VEZF1: variants seen among roughly 807,000 people sequenced by gnomAD.
VEZF1 encodes the protein putative transcription factor DB1.
VEZF1 carries 5 observed loss-of-function variants against 44.1 expected under a neutral mutation model. The ratio of observed to expected loss-of-function variants is 0.11; its 90% CI spans 0.06 to 0.24. The LOEUF is 0.24. VEZF1 is among the 10% of genes least tolerant of loss of function. The pLI is 1.00. For missense variants in VEZF1, 358 were observed against 641.8 expected, an observed-to-expected ratio of 0.56 and a Z score of 4.78; for synonymous variants, 236 against 233.1, an observed-to-expected ratio of 1.01 and a Z score of -0.11.
chr17:57,978,189 C>T (rs2075210824), intron 5 of VEZF1, among the ~76,000 whole-genome samples: 1 of 149,154 alleles, frequency 6.7e-6, no homozygotes. Flanking sequence ...AGCAACAGAG[C>T]GAGAGACTCT....
chr17:57,974,650 T>C lies in VEZF1; in HGVS notation c.1389A>G (p.Pro463=), dbSNP rs747070811. 1 of 1,614,032 alleles carries C rather than the reference T, an allele frequency of 6.2e-7. No homozygotes were observed. The highest frequency in any genetic ancestry group is 8.5e-7 in the Non-Finnish European group (1 of 1,179,986). ...CAGTGACGGGGGTGGGGAGGTTGAC[T>C]GGGGTAGTGAGTGTTAAAGGAGAGG... ...SMTSPLTLTT[P]VNLPTPVTAP... is the part of the protein sequence containing the mutation. The change falls in exon 6 of 6, where the codon CCA becomes CCG. Residue 463 remains proline (P), a synonymous_variant. Transcript: ENST00000581208.
intron 4 of VEZF1, among the ~76,000 whole-genome samples, chr17:57,980,275 T>A (rs2075236669): frequency 6.6e-6 from 1 of 152,214 alleles, no homozygotes; most frequent in Non-Finnish European, 1.5e-5. Flanking sequence ...GTATTCTATC[T>A]TCAACTCTGA....
In VEZF1 at chr17:57,988,145, C is replaced by T. The variant is rs2075319695; in HGVS notation, c.-34G>A. 1.4e-6 allele frequency: 1 copy of T among 714,392 alleles called. No homozygotes were observed. Among genetic ancestry groups the T allele is most frequent in the Non-Finnish European group, 1.8e-6 (1 of 545,248 alleles). The allele number at this position is 714,392 out of a possible 1,614,324, so 44.3% of individuals were successfully genotyped here. A position where few individuals can be genotyped will look rare whatever the true frequency, so the allele number is the denominator to read the frequency against. On this transcript the variant is annotated 5_prime_UTR_variant, in exon 1 of 6. Coordinates refer to ENST00000581208, the MANE Select transcript of VEZF1 (RefSeq NM_007146.3). ...CGGCCGACCCCCCTCCTCCCCACTC[C>T]CCCCGCTCGGGGAGCCTCCTCAGCC...
At chr17:57,985,530 A>C in intron 1 of VEZF1, 1 of 826,630 alleles carries the variant, frequency 1.2e-6, no homozygotes, top group Non-Finnish European at 1.5e-6. Context: ...TTATTTTAAA[A>C]ATATAACTTC....
chr17:57,976,998 C>T (rs548061983), intron 5 of VEZF1, among the ~76,000 whole-genome samples: 1 of 152,268 alleles, frequency 6.6e-6, no homozygotes, highest in Non-Finnish European at 1.5e-5. Context: ...CATTTTTACT[C>T]CTTCTCTAAG....
intron 1 of VEZF1, 138 bp from the exon 2 acceptor site, chr17:57,983,531 C>T (rs2075270281): frequency 4.1e-6 from 3 of 726,666 alleles, no homozygotes; most frequent in Non-Finnish European, 4.4e-6. Context: ...CCAGCAACCA[C>T]CTAGTTACTC....
intron 1 of VEZF1, chr17:57,985,430 C>T (rs772971667): frequency 1.1e-4 from 132 of 1,223,584 alleles, no homozygotes; most frequent in Non-Finnish European, 1.3e-4. Flanking sequence ...TACAAGAAGC[C>T]TTCTAAGGGG....
rs199628152 is a variant in VEZF1 at position 57,979,225 on chromosome 17, ATGT to A, written c.1062_1064del (p.Gln354del). 2.6e-4 allele frequency: 424 copies of A among 1,609,410 alleles called. 1 individual carries two copies. The highest frequency in any genetic ancestry group is 8.4e-4 in the Middle Eastern group (5 of 5,988). On this transcript the variant is annotated inframe_deletion, in exon 5 of 6. Coordinates refer to ENST00000581208, the MANE Select transcript of VEZF1 (RefSeq NM_007146.3). ...CTTGCTTCCCTGGCCAGCTTGTCAC[ATGT>A]TGTTGTTGTTGTTGTTGCTGCTGCT...
Position 57,981,940 on chromosome 17 carries a change from T to G in VEZF1, c.729-4A>C, listed in dbSNP as rs780817193. The G allele has an allele frequency of 1.2e-6, 2 of 1,613,712 alleles. No individual in the cohort carries two copies. ...ATGACAGCTTAAGTGGTCAGGCCTG[T>G]GAAAAAGAGAGTTTCAACAGAAGAT... On this transcript the variant is annotated splice_region_variant and splice_polypyrimidine_tract_variant and intron_variant, in intron 2 of 5. Coordinates refer to ENST00000581208, the MANE Select transcript of VEZF1 (RefSeq NM_007146.3).
chr17:57,977,656 C>T (rs2075204966), intron 5 of VEZF1, among the ~76,000 whole-genome samples: 1 of 151,984 alleles, frequency 6.6e-6, no homozygotes, highest in African/African-American at 2.4e-5. Context: ...ACCAGCCTGA[C>T]CAACATGGAG....
rs932190836 is a variant in VEZF1, at chr17:57,971,678, C to T, written c.*2795G>A. On this transcript the variant is annotated 3_prime_UTR_variant, in exon 6 of 6. Coordinates refer to ENST00000581208, the MANE Select transcript of VEZF1 (RefSeq NM_007146.3). ...TAGAAACCTTCATTCAGGAGCACAC[C>T]GTAGGAGGGGAACGGATACACAATA... The T allele has an allele frequency of 6.6e-6, 1 of 152,460 alleles. No individual in the cohort carries two copies. Among genetic ancestry groups the T allele is most frequent in the Non-Finnish European group, 1.5e-5 (1 of 68,042 alleles). The allele number at this position is 152,460 out of a possible 1,614,324, so 9.4% of individuals were successfully genotyped here. A position where few individuals can be genotyped will look rare whatever the true frequency, so the allele number is the denominator to read the frequency against.
At chr17:57,979,458 A>G (rs1296516330) in intron 4 of VEZF1, 145 bp from the exon 5 acceptor site, 35 of 1,216,190 alleles carry the variant, frequency 2.9e-5, no homozygotes, top group Non-Finnish European at 3.3e-5. Flanking sequence ...TGCTGTGTCT[A>G]TATTGGTCAA....
At chr17:57,988,035 GC>G (rs1268649792) in intron 1 of VEZF1, 43 bp downstream of exon 1, 5 of 228,168 alleles carry the variant, frequency 2.2e-5, no homozygotes, top group South Asian at 3.1e-4. Flanking sequence ...CCGGGGCCCG[GC>G]CCCCCTGTCC....
intron 1 of VEZF1, chr17:57,986,151 A>G (rs2075291382): frequency 6.6e-6 from 1 of 152,234 alleles, no homozygotes; most frequent in Non-Finnish European, 1.5e-5. Context: ...ATAGCTGAAA[A>G]AAATTAAATA....
intron 1 of VEZF1, among the ~76,000 whole-genome samples, chr17:57,986,840 G>C (rs2075298493): frequency 1.3e-5 from 2 of 152,168 alleles, no homozygotes; most frequent in South Asian, 4.1e-4. Flanking sequence ...CCAGCTACGC[G>C]TTTGGGATTT....
intron 1 of VEZF1, chr17:57,985,395 A>C (rs1248583819): frequency 8.2e-7 from 1 of 1,226,390 alleles, no homozygotes; most frequent in African/African-American, 1.6e-5. Context: ...TCACTCTCTG[A>C]GGATTCCTAG....
At position 57,972,116 on chromosome 17, in the gene VEZF1, A is replaced by G. The variant is rs570781016; in HGVS notation, c.*2357T>C. 39 of 152,778 alleles carry G rather than the reference A, an allele frequency of 2.6e-4. 1 individual carries two copies. Among genetic ancestry groups the G allele is most frequent in the South Asian group, 8.3e-4 (4 of 4,834 alleles). The allele number at this position is 152,778 out of a possible 1,614,324, so 9.5% of individuals were successfully genotyped here. Reference sequence around the variant, plus strand: ...AATAGTATTTTAACTGAAGTCATACAATGAAGTCTCACTCCTGTTTATTAT... The same window carrying G: ...AATAGTATTTTAACTGAAGTCATACGATGAAGTCTCACTCCTGTTTATTAT... On this transcript the variant is annotated 3_prime_UTR_variant, in exon 6 of 6. Transcript: ENST00000581208.
rs895649245 is a variant in VEZF1, at chr17:57,974,231, G to C, written c.*242C>G. On this transcript the variant is annotated 3_prime_UTR_variant, in exon 6 of 6. Coordinates refer to ENST00000581208, the MANE Select transcript of VEZF1 (RefSeq NM_007146.3). ...ATTTCATCTTGCCAACTACTATCCT[G>C]TTTAAGCAATGTTGTCAGCTAAAAG... 9 of 540,202 alleles carry C rather than the reference G, an allele frequency of 1.7e-5. No individual in the cohort carries two copies. In the African/African-American group the frequency reaches 1.7e-4, roughly 10 times the overall value. The allele number at this position is 540,202 out of a possible 1,614,324, so 33.5% of individuals were successfully genotyped here.
intron 4 of VEZF1, among the ~76,000 whole-genome samples, chr17:57,979,593 T>C (rs945436967): frequency 6.6e-6 from 1 of 151,128 alleles, no homozygotes; most frequent in Non-Finnish European, 1.5e-5. Flanking sequence ...AATGGAAGTT[T>C]GATATTATTA....
Sources: allele counts gnomAD v4.1 joint callset (sites outside exome capture counted in the v4.1 genomes callset), GRCh38; gene constraint gnomAD v4.1.1; transcripts MANE v1.5; gene names NCBI Gene and HGNC (gene_info 2026-07-23, HGNC 2026-07-21).